The following SLC25A26 variants were observed in gnomAD, a reference collection of about 807,000 sequenced individuals.
SLC25A26 encodes the protein mitochondrial S-adenosylmethionine carrier protein.
A neutral mutation model predicts 37.8 loss-of-function variants in SLC25A26; 36 were observed. The ratio of observed to expected loss-of-function variants is 0.95; its 90% confidence interval spans 0.73 to 1.26. The LOEUF is 1.26. Ranked by LOEUF, SLC25A26 falls within the 50% of genes most tolerant of loss-of-function variation. SLC25A26 has a pLI of 0.00. For synonymous variants in SLC25A26, 129 were observed against 122.5 expected, an observed-to-expected ratio of 1.05 and a Z score of -0.35; for missense variants, 390 against 331.1, an observed-to-expected ratio of 1.18 and a Z score of -1.38.
At chr3:66,247,884 G>A (rs1184672281) in intron 3 of SLC25A26, among the ~76,000 whole-genome samples, 1 of 152,030 alleles carries the variant, frequency 6.6e-6, no homozygotes. Flanking sequence ...AAACCAACAG[G>A]TGAATTTAGA....
At chr3:66,168,200 T>TACACACACACACACAC (rs562006470) in intron 1 of SLC25A26, among the ~76,000 whole-genome samples, 2 of 115,484 alleles carry the variant, frequency 1.7e-5, no homozygotes, top group Non-Finnish European at 3.6e-5. Flanking sequence ...TATATATATA[T>TACACACACACACACAC]ACACACACAC....
At chr3:66,241,998 A>C (rs879433592) in intron 2 of SLC25A26, among the ~76,000 whole-genome samples, 7 of 152,016 alleles carry the variant, frequency 4.6e-5, no homozygotes, top group Non-Finnish European at 8.8e-5. Context: ...TCAGCCCCCA[A>C]CTTGGAACCT....
intron 3 of SLC25A26, among the ~76,000 whole-genome samples, chr3:66,261,190 A>G (rs1160258198): frequency 6.6e-6 from 1 of 152,224 alleles, no homozygotes; most frequent in African/African-American, 2.4e-5. Flanking sequence ...AAAAGTTTGT[A>G]TATTTGCAGA....
At chr3:66,241,534 C>T (rs1022893491) in intron 2 of SLC25A26, among the ~76,000 whole-genome samples, 11 of 152,100 alleles carry the variant, frequency 7.2e-5, no homozygotes, top group Admixed American at 4.6e-4. Context: ...ATTCTTCCCT[C>T]GGGAGTTTAC....
At chr3:66,320,746 G>T (rs1280792762) in intron 5 of SLC25A26, among the ~76,000 whole-genome samples, 1 of 152,066 alleles carries the variant, frequency 6.6e-6, no homozygotes, top group Non-Finnish European at 1.5e-5. Context: ...TTGTTATTTT[G>T]TTTTTTCTCT....
At chr3:66,196,943 A>C (rs1252463165) in intron 1 of SLC25A26, among the ~76,000 whole-genome samples, 1 of 152,206 alleles carries the variant, frequency 6.6e-6, no homozygotes, top group African/African-American at 2.4e-5. Flanking sequence ...ATGTATTATC[A>C]TCCAAGGCAT....
intron 1 of SLC25A26, among the ~76,000 whole-genome samples, chr3:66,185,950 G>A (rs916978737): frequency 2.0e-5 from 3 of 151,806 alleles, no homozygotes; most frequent in African/African-American, 7.3e-5. Context: ...CATTCACCCT[G>A]ATGTCAAGAC....
intron 5 of SLC25A26, among the ~76,000 whole-genome samples, chr3:66,268,613 T>G (rs1237430127): frequency 6.6e-6 from 1 of 152,190 alleles, no homozygotes; most frequent in South Asian, 2.1e-4. Flanking sequence ...CAGTACGTGC[T>G]CAGGAAATGT....
At chr3:66,298,791 A>G (rs2074984275) in intron 5 of SLC25A26, among the ~76,000 whole-genome samples, 1 of 152,222 alleles carries the variant, frequency 6.6e-6, no homozygotes, top group South Asian at 2.1e-4. Flanking sequence ...ATGTCAAGAA[A>G]GCATTACAGG....
chr3:66,260,955 A>G (rs1229907646), intron 3 of SLC25A26, among the ~76,000 whole-genome samples: 2 of 152,194 alleles, frequency 1.3e-5, no homozygotes, highest in Admixed American at 6.5e-5. Flanking sequence ...GCAAAGCCTT[A>G]TGTGATATCC....
intron 1 of SLC25A26, among the ~76,000 whole-genome samples, chr3:66,163,895 G>A (rs1463153666): frequency 6.6e-6 from 1 of 152,160 alleles, no homozygotes; most frequent in Non-Finnish European, 1.5e-5. Flanking sequence ...GAAGTCCCTG[G>A]AAACATTTTG....
At chr3:66,337,810 C>T (rs1042172517) in intron 5 of SLC25A26, among the ~76,000 whole-genome samples, 4 of 151,984 alleles carry the variant, frequency 2.6e-5, no homozygotes, top group African/African-American at 9.7e-5. Context: ...CCATCACCAA[C>T]CTGCAAAAGC....
chr3:66,243,251 C>T lies in SLC25A26; in HGVS notation c.239C>T (p.Ala80Val). The T allele has an allele frequency of 6.2e-7, 1 of 1,609,640 alleles. No individual in the cohort carries two copies. The highest frequency in any genetic ancestry group is 8.5e-7 in the Non-Finnish European group (1 of 1,177,296). Residue 80 changes from alanine (A) to valine (V), a missense_variant, in exon 3 of 10, where the codon GCT (alanine) becomes GTT (valine). Physicochemically the swap from Ala to Val is moderately conservative, Grantham distance 64 (BLOSUM62 0). Transcript: ENST00000354883. ...GAATATGTGAAGTGGTTTTTGCATG[C>T]TGATTCATCTTCATATTTGACACCT... ...TYEYVKWFLH[A>V]DSSSYLTPMK... is the part of the protein sequence containing the mutation.
chr3:66,193,172 T>C (rs950994782), intron 1 of SLC25A26, among the ~76,000 whole-genome samples: 1 of 152,300 alleles, frequency 6.6e-6, no homozygotes, highest in African/African-American at 2.4e-5. Flanking sequence ...GCTTTAAAGC[T>C]ATAGTTTAAA....
chr3:66,287,971 G>A (rs1046801733), intron 5 of SLC25A26, among the ~76,000 whole-genome samples: 25 of 152,290 alleles, frequency 1.6e-4, no homozygotes, highest in African/African-American at 4.6e-4. Context: ...TTACTGAAGT[G>A]GTGACCCAGT....
rs143398256 is a variant in SLC25A26, at chr3:66,322,257, A to G, written c.454-24107A>G. Among the ~76,000 whole-genome samples, 741 of 152,338 alleles carry G rather than the reference A, an allele frequency of 4.9e-3. 10 individuals are homozygous for G. The highest frequency in any genetic ancestry group is 0.013 in the African/African-American group (543 of 41,576). On this transcript the variant is annotated intron_variant, in intron 5 of 9. Transcript: ENST00000354883. ...TGTTATTAATTCACTAGTTTGATGCATGCTTTAGATTTTTAAAATATAGGA... is the reference window on the plus strand; with the variant it reads ...TGTTATTAATTCACTAGTTTGATGCGTGCTTTAGATTTTTAAAATATAGGA...
chr3:66,331,833 T>C (rs973583472), intron 5 of SLC25A26, among the ~76,000 whole-genome samples: 3 of 152,328 alleles, frequency 2.0e-5, no homozygotes, highest in Admixed American at 1.3e-4. Context: ...TGTCTCCTGC[T>C]TACATCCCTC....
chr3:66,288,844 T>C (rs574976096), intron 5 of SLC25A26, among the ~76,000 whole-genome samples: 54 of 152,308 alleles, frequency 3.5e-4, no homozygotes, highest in African/African-American at 1.3e-3. Flanking sequence ...ATATACCCAG[T>C]AATGAGATTG....
At chr3:66,271,823 A>G (rs957902821) in intron 5 of SLC25A26, among the ~76,000 whole-genome samples, 2 of 149,588 alleles carry the variant, frequency 1.3e-5, no homozygotes, top group African/African-American at 4.9e-5. Context: ...TGTCTGTACC[A>G]CTATTTTTTT....
Sources: allele counts gnomAD v4.1 joint callset (sites outside exome capture counted in the v4.1 genomes callset), GRCh38; gene constraint gnomAD v4.1.1; transcripts MANE v1.5; gene names NCBI Gene and HGNC (gene_info 2026-07-23, HGNC 2026-07-21).